HEMK2: variants seen among roughly 807,000 people sequenced by gnomAD.
HEMK2 encodes the protein methyltransferase HEMK2.
the HEMK2 span, among the ~76,000 whole-genome samples, chr21:28,651,862 A>G: frequency 2.6e-5 from 4 of 152,210 alleles, no homozygotes; most frequent in African/African-American, 4.8e-5. Context: ...AAGAAAAACC[A>G]TATCAAAATG....
the HEMK2 span, among the ~76,000 whole-genome samples, chr21:28,659,246 G>C: frequency 6.6e-6 from 1 of 152,010 alleles, no homozygotes; most frequent in Admixed American, 6.6e-5. Flanking sequence ...GAAAAGCCTT[G>C]TTCTACATGA....
chr21:28,654,876 G>A, the HEMK2 span, among the ~76,000 whole-genome samples: 4 of 152,012 alleles, frequency 2.6e-5, no homozygotes, highest in East Asian at 7.7e-4. Flanking sequence ...CAAAATGCTG[G>A]ATATAAAATC....
At chr21:28,630,124 C>T in the HEMK2 span, among the ~76,000 whole-genome samples, 4 of 152,156 alleles carry the variant, frequency 2.6e-5, no homozygotes, top group African/African-American at 7.2e-5. Context: ...AAAGCTTTAA[C>T]ATATCTTAAG....
chr21:28,832,141 AT>A, the HEMK2 span, among the ~76,000 whole-genome samples: 1 of 152,316 alleles, frequency 6.6e-6, no homozygotes, highest in African/African-American at 2.4e-5. Context: ...GACACCAGGC[AT>A]TTTTCCCTGG....
chr21:28,711,038 ACTT>A, the HEMK2 span, among the ~76,000 whole-genome samples: 35 of 152,214 alleles, frequency 2.3e-4, no homozygotes, highest in East Asian at 6.8e-3. Context: ...TTTTTACTTT[ACTT>A]CTTCTACATC....
the HEMK2 span, among the ~76,000 whole-genome samples, chr21:28,717,427 G>C: frequency 6.7e-6 from 1 of 149,860 alleles, no homozygotes; most frequent in Non-Finnish European, 1.5e-5. Context: ...GTTCATAATA[G>C]TCTCTGAGGA....
chr21:28,620,660 C>CTTTTTTTTTTTTTTTTTTTTTTTTT, the HEMK2 span, among the ~76,000 whole-genome samples: 27 of 49,654 alleles, frequency 5.4e-4, 9 homozygotes, highest in East Asian at 7.5e-4. Flanking sequence ...TCTCTCTTTT[C>CTTTTTTTTTTTTTTTTTTTTTTTTT]TTTTTTTTTT....
chr21:28,871,680 CTGTT>C, the HEMK2 span, among the ~76,000 whole-genome samples: 1 of 152,176 alleles, frequency 6.6e-6, no homozygotes, highest in Non-Finnish European at 1.5e-5. Context: ...AGTTTTACAA[CTGTT>C]TGTTGTAAAA....
the HEMK2 span, among the ~76,000 whole-genome samples, chr21:28,586,472 T>C: frequency 6.6e-6 from 1 of 152,190 alleles, no homozygotes; most frequent in Non-Finnish European, 1.5e-5. Context: ...GATTGCTTGC[T>C]ACCAATCCTC....
the HEMK2 span, among the ~76,000 whole-genome samples, chr21:28,658,490 G>A: frequency 6.6e-6 from 1 of 152,042 alleles, no homozygotes; most frequent in African/African-American, 2.4e-5. Flanking sequence ...CTAAAATAGA[G>A]CTGAAAGGTC....
At chr21:28,590,771 G>A in the HEMK2 span, among the ~76,000 whole-genome samples, 1 of 152,140 alleles carries the variant, frequency 6.6e-6, no homozygotes, top group Non-Finnish European at 1.5e-5. Flanking sequence ...GGGCGTTATT[G>A]GTCCAAAAAG....
chr21:28,878,197 T>C, the HEMK2 span: 1 of 1,576,742 alleles, frequency 6.3e-7, no homozygotes, highest in Non-Finnish European at 8.6e-7. Flanking sequence ...ATTACCTGGG[T>C]TGTTTTCTTT....
chr21:28,872,105 C>A, the HEMK2 span: 1 of 152,148 alleles, frequency 6.6e-6, no homozygotes, highest in African/African-American at 2.4e-5. Context: ...ATTAATGTAG[C>A]TGATGCAGGA....
At chr21:28,731,925 G>C in the HEMK2 span, among the ~76,000 whole-genome samples, 1 of 152,206 alleles carries the variant, frequency 6.6e-6, no homozygotes, top group African/African-American at 2.4e-5. Context: ...GCCAGTAGCT[G>C]GTAGCCCACA....
the HEMK2 span, among the ~76,000 whole-genome samples, chr21:28,592,311 G>A: frequency 6.6e-6 from 1 of 152,164 alleles, no homozygotes; most frequent in African/African-American, 2.4e-5. Flanking sequence ...GCGATGTTGA[G>A]GTTTTACACA....
At chr21:28,826,285 C>T in the HEMK2 span, among the ~76,000 whole-genome samples, 2 of 152,162 alleles carry the variant, frequency 1.3e-5, no homozygotes, top group South Asian at 4.1e-4. Context: ...GGAACTAAAA[C>T]CCATCTGTAA....
At chr21:28,698,856 T>C in the HEMK2 span, among the ~76,000 whole-genome samples, 2 of 152,184 alleles carry the variant, frequency 1.3e-5, no homozygotes, top group Non-Finnish European at 2.9e-5. Context: ...GATAGATCAA[T>C]TATGTTTTTA....
At chr21:28,667,910 C>A in the HEMK2 span, among the ~76,000 whole-genome samples, 1 of 152,104 alleles carries the variant, frequency 6.6e-6, no homozygotes, top group African/African-American at 2.4e-5. Context: ...TTCAGGATGG[C>A]ACCTGGCATA....
chr21:28,695,819 T>G, the HEMK2 span, among the ~76,000 whole-genome samples: 1 of 150,450 alleles, frequency 6.6e-6, no homozygotes, highest in Non-Finnish European at 1.5e-5. Flanking sequence ...AACTTAAAAG[T>G]CCACAGTCCA....
Sources: gnomAD v4.1 joint callset for allele counts (sites outside exome capture counted in the v4.1 genomes callset) on GRCh38, gnomAD v4.1.1 for gene constraint, MANE v1.5 for transcripts, NCBI Gene and HGNC (gene_info 2026-07-23, HGNC 2026-07-21) for gene names.